KAZN: variants seen among roughly 807,000 people sequenced by gnomAD.
The protein encoded by KAZN is kazrin.
A neutral mutation model predicts 87.4 loss-of-function variants in KAZN; 40 were observed. The observed-to-expected ratio is 0.46, with a 90% CI of 0.36 to 0.60. The LOEUF (loss-of-function observed/expected upper bound fraction) is 0.60, where lower values mean the gene tolerates loss of function less well. KAZN is among the 20% of genes least tolerant of loss of function. The probability of loss-of-function intolerance (pLI) is 0.00; values close to 1 mark genes in which losing one functional copy is unlikely to be tolerated. For synonymous variants in KAZN, 466 were observed against 458.3 expected (o/e 1.02, Z -0.22); for missense variants, 898 against 1,073.9 (o/e 0.84, Z 2.29).
chr1:14,152,232 A>G (rs573510244), intron 1 of KAZN, among the ~76,000 whole-genome samples: 31 of 152,308 alleles, frequency 2.0e-4, no homozygotes, highest in African/African-American at 7.2e-4. Flanking sequence ...ATATTTGACT[A>G]TAGTCATCCT....
intron 1 of KAZN, among the ~76,000 whole-genome samples, chr1:13,979,724 C>T (rs12064491): frequency 0.15 from 23,366 of 151,980 alleles, 1,957 homozygotes; most frequent in Middle Eastern, 0.18. Flanking sequence ...GTCAGGAGAT[C>T]GAGACCATCC....
chr1:15,035,513 G>A (rs1025510970), intron 3 of KAZN, among the ~76,000 whole-genome samples: 4 of 152,136 alleles, frequency 2.6e-5, no homozygotes, highest in Non-Finnish European at 5.9e-5. Context: ...TCTGGTATCT[G>A]TGGTATGACA....
chr1:15,023,249 G>A (rs911516510), intron 2 of KAZN, among the ~76,000 whole-genome samples: 3 of 152,222 alleles, frequency 2.0e-5, no homozygotes, highest in Non-Finnish European at 4.4e-5. Flanking sequence ...CAGGGGAAAG[G>A]AGGAGGTGCT....
At chr1:14,373,701 G>A (rs566160197) in intron 2 of KAZN, among the ~76,000 whole-genome samples, 8 of 152,200 alleles carry the variant, frequency 5.3e-5, no homozygotes, top group Non-Finnish European at 1.0e-4. Flanking sequence ...GGAAAGGGAT[G>A]CATTCCACAG....
chr1:13,935,366 T>C (rs1489443313), intron 1 of KAZN, among the ~76,000 whole-genome samples: 1 of 152,134 alleles, frequency 6.6e-6, no homozygotes, highest in Admixed American at 6.6e-5. Context: ...ATGCAGAAAG[T>C]GATGCAAGAG....
At chr1:14,388,252 G>A (rs902289327) in intron 2 of KAZN, among the ~76,000 whole-genome samples, 9 of 152,152 alleles carry the variant, frequency 5.9e-5, no homozygotes, top group South Asian at 2.1e-4. Context: ...ACCTCAGATG[G>A]AAATGCAGAA....
chr1:14,736,465 A>ATTTTTTTT (rs756285598), intron 1 of KAZN, among the ~76,000 whole-genome samples: 1 of 108,042 alleles, frequency 9.3e-6, no homozygotes. Context: ...CACCCAGCTA[A>ATTTTTTTT]TTTTTTTTTT....
intron 2 of KAZN, among the ~76,000 whole-genome samples, chr1:14,252,742 T>G (rs551033084): frequency 6.6e-6 from 1 of 152,300 alleles, no homozygotes; most frequent in African/African-American, 2.4e-5. Flanking sequence ...TTAGGATAAG[T>G]GATGTTAGTT....
At chr1:14,372,561 T>G (rs1408240213) in intron 2 of KAZN, among the ~76,000 whole-genome samples, 5 of 152,210 alleles carry the variant, frequency 3.3e-5, no homozygotes, top group African/African-American at 4.8e-5. Context: ...TCCCCGTGCA[T>G]TAGCACATGC....
chr1:14,130,902 A>T (rs1644979088), intron 1 of KAZN, among the ~76,000 whole-genome samples: 1 of 137,052 alleles, frequency 7.3e-6, no homozygotes, highest in African/African-American at 2.8e-5. Context: ...TATTAATGAA[A>T]TGTGATTGTT....
At chr1:13,949,699 G>T (rs548281859) in intron 1 of KAZN, among the ~76,000 whole-genome samples, 3 of 152,288 alleles carry the variant, frequency 2.0e-5, no homozygotes, top group East Asian at 1.9e-4. Flanking sequence ...TATACCTTAT[G>T]ATGGAGAAGT....
chr1:13,990,106 G>C (rs1426643005), intron 1 of KAZN, among the ~76,000 whole-genome samples: 1 of 152,194 alleles, frequency 6.6e-6, no homozygotes, highest in African/African-American at 2.4e-5. Flanking sequence ...ACTTTAGAAA[G>C]ATCCCTGGAA....
At chr1:14,296,499 C>T (rs896260985) in intron 2 of KAZN, among the ~76,000 whole-genome samples, 1 of 152,166 alleles carries the variant, frequency 6.6e-6, no homozygotes, top group African/African-American at 2.4e-5. Flanking sequence ...TGGTGCCTAC[C>T]TCAAGGTCCA....
At chr1:14,383,458 T>G (rs1333469669) in intron 2 of KAZN, among the ~76,000 whole-genome samples, 3 of 151,952 alleles carry the variant, frequency 2.0e-5, no homozygotes, top group African/African-American at 7.3e-5. Flanking sequence ...GGTCTAACAT[T>G]TAAGTCTTTA....
Position 14,619,440 on chromosome 1 carries a change from A to G in KAZN, c.226+20217A>G, listed in dbSNP as rs199941689. Among the ~76,000 whole-genome samples, 117 of 152,206 alleles carry G rather than the reference A, an allele frequency of 7.7e-4. 2 individuals carry two copies. The South Asian group carries it at 0.016, about 21-fold the overall frequency. ...GTCTCTGAACTCCTGGCCTCAAGCA[A>G]TCCTCCCACCTCAGCCCCCAAAGCA... On this transcript the variant is annotated intron_variant, in intron 1 of 14. Transcript: ENST00000376030.
At chr1:13,923,056 C>T (rs1261306893) in intron 1 of KAZN, among the ~76,000 whole-genome samples, 4 of 151,520 alleles carry the variant, frequency 2.6e-5, no homozygotes, top group African/African-American at 7.3e-5. Flanking sequence ...CCTGGAGCAA[C>T]CTGGGGATTA....
intron 1 of KAZN, among the ~76,000 whole-genome samples, chr1:13,967,393 C>T (rs1187318959): frequency 2.6e-5 from 4 of 152,138 alleles, no homozygotes; most frequent in African/African-American, 9.7e-5. Flanking sequence ...TTGGAATCTC[C>T]CCACCCTTCC....
chr1:13,932,406 G>A (rs1570315747), intron 1 of KAZN, among the ~76,000 whole-genome samples: 3 of 150,338 alleles, frequency 2.0e-5, no homozygotes, highest in Admixed American at 1.3e-4. Context: ...GACTACAGGC[G>A]CCCGCCACTA....
intron 1 of KAZN, among the ~76,000 whole-genome samples, chr1:13,905,873 A>G (rs532404319): frequency 1.3e-5 from 2 of 152,200 alleles, no homozygotes; most frequent in African/African-American, 4.8e-5. Flanking sequence ...ATATTATCTC[A>G]TTGTTCCGCA....
Sources: gnomAD v4.1 joint callset for allele counts (sites outside exome capture counted in the v4.1 genomes callset) on GRCh38, gnomAD v4.1.1 for gene constraint, MANE v1.5 for transcripts, NCBI Gene and HGNC (gene_info 2026-07-23, HGNC 2026-07-21) for gene names.